Variants in TSC22D1 observed in about 807,000 individuals in gnomAD.
TSC22D1 encodes TSC22 domain family member 1, also known as TSC22 domain family protein 1.
In TSC22D1, 9 loss-of-function variants were observed where a neutral mutation model predicts 74.2. The observed-to-expected ratio is 0.12, with a 90% confidence interval of 0.07 to 0.21. The LOEUF (loss-of-function observed/expected upper bound fraction) is 0.21, where lower values mean the gene tolerates loss of function less well. TSC22D1 is among the 10% of genes least tolerant of loss of function. TSC22D1 has a pLI of 1.00. For missense variants in TSC22D1, 1,427 were observed against 1,304.7 expected, an observed-to-expected ratio of 1.09 and a Z score of -1.44; for synonymous variants, 586 against 492.5, an observed-to-expected ratio of 1.19 and a Z score of -2.51.
At chr13:44,462,030 A>G (rs964441715) in intron 1 of TSC22D1, among the ~76,000 whole-genome samples, 1 of 152,208 alleles carries the variant, frequency 6.6e-6, no homozygotes, top group African/African-American at 2.4e-5. Context: ...AAATTCTGTT[A>G]AAGGGTTTCT....
At chr13:44,474,417 C>G (rs1595103855) in intron 1 of TSC22D1, 1 of 186,072 alleles carries the variant, frequency 5.4e-6, no homozygotes, top group Non-Finnish European at 1.0e-5. Flanking sequence ...TATGATGACT[C>G]ATTACTTCAA....
In TSC22D1 at chr13:44,557,248, G is replaced by A. The variant is rs182072156; in HGVS notation, c.2912+15915C>T. 2.6e-5 allele frequency among the ~76,000 whole-genome samples: 4 copies of A among 152,040 alleles called. No homozygotes were observed. In the East Asian group the frequency reaches 5.8e-4, roughly 22 times the overall value. On this transcript the variant is annotated intron_variant, in intron 1 of 2. Transcript: ENST00000458659. ...GAGGCCAAGGTGGGCGGATCACAAGGTCAAGAGATAGAGACCATCCTGGCC... is the reference window on the plus strand; with the variant it reads ...GAGGCCAAGGTGGGCGGATCACAAGATCAAGAGATAGAGACCATCCTGGCC...
intron 1 of TSC22D1, among the ~76,000 whole-genome samples, chr13:44,484,258 T>C (rs948185424): frequency 2.6e-5 from 4 of 152,216 alleles, no homozygotes; most frequent in Non-Finnish European, 5.9e-5. Flanking sequence ...AGTTCAACTA[T>C]GGGAATGCTA....
chr13:44,551,390 GT>G (rs1167777032), intron 1 of TSC22D1, among the ~76,000 whole-genome samples: 919 of 23,224 alleles, frequency 0.04, 17 homozygotes, highest in African/African-American at 0.15. Context: ...AATCAGATGG[GT>G]GTGTGTGTGT....
chr13:44,475,359 G>A (rs1877848407), intron 1 of TSC22D1, among the ~76,000 whole-genome samples: 1 of 151,714 alleles, frequency 6.6e-6, no homozygotes, highest in South Asian at 2.1e-4. Context: ...TAGGGGAAAT[G>A]TATAGTCTTG....
intron 1 of TSC22D1, among the ~76,000 whole-genome samples, chr13:44,439,180 G>A (rs1874985212): frequency 6.6e-6 from 1 of 152,158 alleles, no homozygotes; most frequent in Non-Finnish European, 1.5e-5. Context: ...GGACATTACA[G>A]TTATTGTTAA....
rs372349466 is a variant in TSC22D1, at chr13:44,434,702, G to A, written c.3146C>T (p.Pro1049Leu). The change falls in exon 3 of 3, where the codon CCT becomes CTT. Residue 1049 changes from proline (P) to leucine (L), a missense_variant. By Grantham distance (98) the Pro-to-Leu change is moderately conservative. Around this residue, in one of 3 missense-constraint regions of TSC22D1, gnomAD observed 63 missense variants for 50.5 expected, o/e 1.25. Transcript: ENST00000458659. ...GGTGCCCTGTGGCTGGGTGGTGGCA[G>A]GGGGGGAGCCAGTCTGCAGCTGGGC... ...FQAQLQTGSPPATTQPQGTTQ... is the reference protein window; with the variant it reads ...FQAQLQTGSPLATTQPQGTTQ... 17 of 1,606,786 alleles carry A rather than the reference G, an allele frequency of 1.1e-5. No individual in the cohort carries two copies. The highest frequency in any genetic ancestry group is 8.9e-5 in the East Asian group (4 of 44,716).
chr13:44,570,847 A>G (rs929243757), intron 1 of TSC22D1, among the ~76,000 whole-genome samples: 1 of 152,242 alleles, frequency 6.6e-6, no homozygotes, highest in African/African-American at 2.4e-5. Context: ...TTTTTTAATC[A>G]TATCACTGTT....
Position 44,573,827 on chromosome 13 carries a change from G to A in TSC22D1, c.2248C>T (p.Pro750Ser). The change falls in exon 1 of 3, where the codon CCA (proline) becomes TCA (serine). Residue 750 changes from proline (P) to serine (S), a missense_variant. Around this residue, in one of 3 missense-constraint regions of TSC22D1, gnomAD observed 1,343 missense variants for 1,191.5 expected, o/e 1.13. Transcript: ENST00000458659. The part of the protein sequence containing the change: ...TAVQQPSTQV[P>S]PSVIQQGAPP... ...GCACCCTGCTGAATAACTGAAGGTG[G>A]AACCTGGGTAGAGGGCTGCTGCACT... The A allele has an allele frequency of 6.2e-7, 1 of 1,614,220 alleles. No individual in the cohort carries two copies. Among genetic ancestry groups the A allele is most frequent in the Non-Finnish European group, 8.5e-7 (1 of 1,180,034 alleles).
In TSC22D1 at chr13:44,434,010, A is replaced by T; in HGVS notation, c.*616T>A. The T allele has an allele frequency of 6.5e-7, 1 of 1,534,058 alleles. No homozygotes were observed. ...TAAGCAAAACAACCTTCATGGTAAG[A>T]TAGCCTAGGTCCCAGCTACCTGTCA... On this transcript the variant is annotated 3_prime_UTR_variant, in exon 3 of 3. Transcript: ENST00000458659.
At chr13:44,576,536 C>T (rs1360254576), upstream of TSC22D1, 5 of 154,682 alleles carry the variant, frequency 3.2e-5, no homozygotes, top group Non-Finnish European at 4.3e-5. Flanking sequence ...CAGCGCCAAG[C>T]AAATGTCGCC....
intron 1 of TSC22D1, among the ~76,000 whole-genome samples, chr13:44,565,531 A>G (rs374285605): frequency 1.3e-5 from 2 of 152,158 alleles, no homozygotes; most frequent in Non-Finnish European, 2.9e-5. Flanking sequence ...TTTTTTAAAA[A>G]TCAGTATAAA....
rs145762068 is a variant in TSC22D1 at position 44,575,159 on chromosome 13, A to G, written c.916T>C (p.Ser306Pro). Residue 306 changes from serine to proline, a missense_variant, in exon 1 of 3, where the codon TCT becomes CCT. Physicochemically the swap from Ser to Pro is moderately conservative, Grantham distance 74 (BLOSUM62 -1). Around this residue, in one of 3 missense-constraint regions of TSC22D1, gnomAD observed 1,343 missense variants for 1,191.5 expected, o/e 1.13. Coordinates refer to ENST00000458659, the MANE Select transcript of TSC22D1 (RefSeq NM_183422.4). ...TTTACTGTACTAGTGCCAGTAACAG[A>G]ATTTATACCTATTCCACCTGTAGTA... is the stretch of plus-strand genomic sequence containing the variant. ...PSTTGGIGIN[S>P]VTGTSTVNNV... is the part of the protein sequence containing the mutation. The G allele has an allele frequency of 3.7e-6, 6 of 1,614,016 alleles. No homozygotes were observed. The highest frequency in any genetic ancestry group is 5.1e-6 in the Non-Finnish European group (6 of 1,180,044).
In TSC22D1 at chr13:44,575,485, G is replaced by A. The variant is rs775405224; in HGVS notation, c.590C>T (p.Pro197Leu). 1 of 1,614,168 alleles carries A rather than the reference G, an allele frequency of 6.2e-7. No homozygotes were observed. The highest frequency in any genetic ancestry group is 1.1e-5 in the South Asian group (1 of 91,080). The change falls in exon 1 of 3, where the codon CCT becomes CTT. Residue 197 changes from proline (P) to leucine (L), a missense_variant. This residue lies in a region of TSC22D1 where 1,343 missense variants were observed against 1,191.5 expected (regional missense o/e 1.13). Coordinates refer to ENST00000458659, the MANE Select transcript of TSC22D1 (RefSeq NM_183422.4). ...TGGAAGGTGAGGCAAATGAGGCTGA[G>A]GAAGGTGGGGCTGGTTGGGAGAGAC... ...GAVSPNQPHL[P>L]QPHLPHLPQQ...
At chr13:44,517,851 A>ATT (rs1566149903) in intron 1 of TSC22D1, among the ~76,000 whole-genome samples, 6 of 21,764 alleles carry the variant, frequency 2.8e-4, no homozygotes, top group Non-Finnish European at 4.7e-4. Context: ...ATATATATAT[A>ATT]TATATATTTT....
At chr13:44,501,179 T>C (rs1006769690) in intron 1 of TSC22D1, among the ~76,000 whole-genome samples, 3 of 152,052 alleles carry the variant, frequency 2.0e-5, no homozygotes, top group African/African-American at 7.3e-5. Flanking sequence ...TGAGGGACAA[T>C]TTAGAAGGTA....
At chr13:44,520,825 G>A (rs933295998) in intron 1 of TSC22D1, among the ~76,000 whole-genome samples, 1 of 152,274 alleles carries the variant, frequency 6.6e-6, no homozygotes, top group Admixed American at 6.5e-5. Flanking sequence ...CAACGTAAGT[G>A]TACTAGAATG....
chr13:44,455,123 G>A (rs971628101), intron 1 of TSC22D1, among the ~76,000 whole-genome samples: 6 of 152,010 alleles, frequency 3.9e-5, no homozygotes, highest in Non-Finnish European at 5.9e-5. Context: ...CAAGTACCCA[G>A]GAGACAAATT....
chr13:44,512,540 C>A (rs1322563801), intron 1 of TSC22D1, among the ~76,000 whole-genome samples: 1 of 152,140 alleles, frequency 6.6e-6, no homozygotes, highest in Non-Finnish European at 1.5e-5. Context: ...CTCCTATATT[C>A]CCTATTACTG....
Sources: gnomAD v4.1 joint callset for allele counts (sites outside exome capture counted in the v4.1 genomes callset) on GRCh38, gnomAD v4.1.1 for gene constraint, gnomAD v4.1.1 regional missense constraint, MANE v1.5 for transcripts, NCBI Gene and HGNC (gene_info 2026-07-23, HGNC 2026-07-21) for gene names.